Variants in EBF1 observed in about 807,000 individuals in gnomAD.
EBF1 encodes EBF transcription factor 1.
In EBF1, 10 loss-of-function variants were observed where a neutral mutation model predicts 68.4. That is an observed-to-expected ratio of 0.15 (90% CI 0.09 to 0.25). The LOEUF (loss-of-function observed/expected upper bound fraction) is 0.25, where lower values mean the gene tolerates loss of function less well. EBF1 is among the 10% of genes least tolerant of loss of function. The pLI is 1.00. For missense variants in EBF1, 509 were observed against 794.4 expected (o/e 0.64, Z 4.32); for synonymous variants, 298 against 299.8 (o/e 0.99, Z 0.06).
intron 6 of EBF1, among the ~76,000 whole-genome samples, chr5:158,962,986 T>C (rs1249913427): frequency 6.6e-6 from 1 of 152,204 alleles, no homozygotes; most frequent in Admixed American, 6.5e-5. Context: ...CCAAAAAAGA[T>C]GATGAAATCC....
intron 6 of EBF1, among the ~76,000 whole-genome samples, chr5:158,939,879 C>T (rs965542830): frequency 6.6e-6 from 1 of 152,124 alleles, no homozygotes; most frequent in Non-Finnish European, 1.5e-5. Context: ...AACTACCAAG[C>T]TAACAAACAC....
chr5:159,096,865 AGT>A (rs1584597678), intron 2 of EBF1, 107 bp downstream of exon 2: 7 of 1,377,894 alleles, frequency 5.1e-6, no homozygotes, highest in Non-Finnish European at 6.8e-6. Context: ...CCCACATAGA[AGT>A]GTGTTATGGA....
chr5:158,746,130 A>G (rs1767510802), intron 10 of EBF1, among the ~76,000 whole-genome samples: 1 of 152,198 alleles, frequency 6.6e-6, no homozygotes, highest in African/African-American at 2.4e-5. Flanking sequence ...TGAGAGCTGC[A>G]AATGGTTCTC....
At chr5:159,057,824 G>A (rs1208418048) in intron 6 of EBF1, among the ~76,000 whole-genome samples, 1 of 152,174 alleles carries the variant, frequency 6.6e-6, no homozygotes, top group African/African-American at 2.4e-5. Flanking sequence ...TTGGGATCTA[G>A]CTAGGCTATG....
intron 6 of EBF1, among the ~76,000 whole-genome samples, chr5:159,058,849 C>T (rs1775266960): frequency 6.6e-6 from 1 of 152,198 alleles, no homozygotes; most frequent in African/African-American, 2.4e-5. Flanking sequence ...TTCCATAAGG[C>T]CATTCATGTC....
chr5:158,867,484 A>G (rs1296229086), intron 6 of EBF1, among the ~76,000 whole-genome samples: 1 of 152,124 alleles, frequency 6.6e-6, no homozygotes, highest in Non-Finnish European at 1.5e-5. Context: ...TGCCCCTGTC[A>G]GAGGCAGCTC....
intron 6 of EBF1, among the ~76,000 whole-genome samples, chr5:158,966,347 G>A (rs1465936696): frequency 6.6e-6 from 1 of 152,068 alleles, no homozygotes; most frequent in Non-Finnish European, 1.5e-5. Flanking sequence ...AGGTATGGAA[G>A]GAGAAAAAGA....
intron 6 of EBF1, among the ~76,000 whole-genome samples, chr5:158,846,974 C>T (rs1234354586): frequency 6.6e-6 from 1 of 152,160 alleles, no homozygotes. Context: ...TCTCTCCCTG[C>T]AGTGGAGGGT....
intron 6 of EBF1, among the ~76,000 whole-genome samples, chr5:158,992,902 C>T (rs1230871736): frequency 6.9e-6 from 1 of 145,726 alleles, no homozygotes; most frequent in Non-Finnish European, 1.5e-5. Context: ...ATATTAAGAG[C>T]CCTGCTGTTT....
At chr5:159,002,806 A>T (rs1762801606) in intron 6 of EBF1, among the ~76,000 whole-genome samples, 2 of 152,248 alleles carry the variant, frequency 1.3e-5, no homozygotes, top group South Asian at 4.1e-4. Flanking sequence ...GGAAATCTGT[A>T]AAGTAAAAAG....
chr5:159,082,762 A>T (rs535258997), intron 5 of EBF1, among the ~76,000 whole-genome samples: 5 of 152,212 alleles, frequency 3.3e-5, no homozygotes, highest in Non-Finnish European at 7.3e-5. Context: ...AATCTGTAAC[A>T]TTAGCAGGAT....
Position 158,824,725 on chromosome 5 carries a change from A to G in EBF1, c.637-1408T>C, listed in dbSNP as rs1785663029. Among the ~76,000 whole-genome samples, 4 of 152,366 alleles carry G rather than the reference A, an allele frequency of 2.6e-5. No homozygotes were observed. The South Asian group carries it at 8.3e-4, about 32-fold the overall frequency. Reference sequence around the variant, plus strand: ...CACTCTTTCATCAGCTAAGCTGGGCAGAGGGGAAAACGCCAGGCCCTGGCC... The same window carrying G: ...CACTCTTTCATCAGCTAAGCTGGGCGGAGGGGAAAACGCCAGGCCCTGGCC... On this transcript the variant is annotated intron_variant, in intron 7 of 15. Coordinates refer to ENST00000313708, the MANE Select transcript of EBF1 (RefSeq NM_024007.5).
At chr5:159,095,697 GGGA>G (rs760283337) in intron 3 of EBF1, 22 bp from the exon 4 acceptor site, 1 of 1,613,726 alleles carries the variant, frequency 6.2e-7, no homozygotes, top group South Asian at 1.1e-5. Context: ...AATGGGGGAA[GGGA>G]GGAGAATTAA....
intron 6 of EBF1, among the ~76,000 whole-genome samples, chr5:158,882,378 G>A (rs1206410512): frequency 6.6e-6 from 1 of 152,148 alleles, no homozygotes; most frequent in Admixed American, 6.5e-5. Flanking sequence ...GGAAAAATGA[G>A]TGTTTTCTCC....
intron 6 of EBF1, among the ~76,000 whole-genome samples, chr5:158,894,743 T>C (rs1801846910): frequency 6.6e-6 from 1 of 152,218 alleles, no homozygotes; most frequent in Non-Finnish European, 1.5e-5. Context: ...TGTGTTTCCA[T>C]TTCCTTATCT....
chr5:158,804,051 C>T (rs1197207513), intron 8 of EBF1, among the ~76,000 whole-genome samples: 1 of 143,954 alleles, frequency 6.9e-6, no homozygotes, highest in Non-Finnish European at 1.5e-5. Flanking sequence ...TGCAATTAAA[C>T]CTATTAAATA....
At chr5:158,998,469 T>C (rs1561750164) in intron 6 of EBF1, among the ~76,000 whole-genome samples, 1 of 152,192 alleles carries the variant, frequency 6.6e-6, no homozygotes, top group Non-Finnish European at 1.5e-5. Context: ...AGGGACTTTG[T>C]TCCCACTATT....
At chr5:158,956,109 A>G (rs1408151813) in intron 6 of EBF1, among the ~76,000 whole-genome samples, 1 of 151,358 alleles carries the variant, frequency 6.6e-6, no homozygotes, top group Non-Finnish European at 1.5e-5. Flanking sequence ...CCAAGGTCAC[A>G]AAGCTAATAA....
chr5:159,049,896 ACT>A (rs1773188149), intron 6 of EBF1, among the ~76,000 whole-genome samples: 1 of 152,090 alleles, frequency 6.6e-6, no homozygotes, highest in Non-Finnish European at 1.5e-5. Flanking sequence ...TACAAAACTA[ACT>A]CTCTCCGACA....
Sources: gnomAD v4.1 joint callset for allele counts (sites outside exome capture counted in the v4.1 genomes callset) on GRCh38, gnomAD v4.1.1 for gene constraint, MANE v1.5 for transcripts, NCBI Gene and HGNC (gene_info 2026-07-23, HGNC 2026-07-21) for gene names.